B3GLCT: variants seen among roughly 807,000 people sequenced by gnomAD.
B3GLCT encodes beta-1,3-glucosyltransferase.
In B3GLCT, 65 loss-of-function variants were observed where a neutral mutation model predicts 63.4. The observed-to-expected ratio is 1.03, with a 90% confidence interval of 0.84 to 1.26. B3GLCT has a LOEUF of 1.26. Ranked by LOEUF, B3GLCT falls within the 50% of genes most tolerant of loss-of-function variation. B3GLCT has a pLI of 0.00. For missense variants in B3GLCT, 577 were observed against 604.8 expected, an observed-to-expected ratio of 0.95 and a Z score of 0.48; for synonymous variants, 233 against 219.2, an observed-to-expected ratio of 1.06 and a Z score of -0.55.
At chr13:31,220,336 T>C (rs985165442) in intron 2 of B3GLCT, among the ~76,000 whole-genome samples, 4 of 152,260 alleles carry the variant, frequency 2.6e-5, no homozygotes, top group African/African-American at 9.6e-5. Flanking sequence ...AGGGTGACTT[T>C]AATGTGCCTT....
chr13:31,224,591 C>A (rs1286749049), intron 3 of B3GLCT, among the ~76,000 whole-genome samples: 1 of 152,052 alleles, frequency 6.6e-6, no homozygotes, highest in Non-Finnish European at 1.5e-5. Flanking sequence ...GCATGGCTCA[C>A]AGTCAGAGCT....
chr13:31,280,655 C>T (rs1003429703), intron 10 of B3GLCT, among the ~76,000 whole-genome samples: 9 of 152,166 alleles, frequency 5.9e-5, no homozygotes, highest in African/African-American at 2.2e-4. Flanking sequence ...TTTATACTCT[C>T]ATGGAAGAAT....
intron 1 of B3GLCT, among the ~76,000 whole-genome samples, chr13:31,201,669 T>A (rs977366360): frequency 2.6e-5 from 4 of 152,228 alleles, no homozygotes; most frequent in Non-Finnish European, 5.9e-5. Context: ...TTTATAATGC[T>A]GTACTGGGGG....
chr13:31,289,969 A>C (rs1486993747), intron 12 of B3GLCT, among the ~76,000 whole-genome samples: 1 of 151,974 alleles, frequency 6.6e-6, no homozygotes, highest in Admixed American at 6.5e-5. Flanking sequence ...TGCACTCATC[A>C]ACCCATCATC....
intron 4 of B3GLCT, among the ~76,000 whole-genome samples, chr13:31,240,362 A>C (rs1870867193): frequency 6.6e-6 from 1 of 152,132 alleles, no homozygotes; most frequent in African/African-American, 2.4e-5. Flanking sequence ...CTTTATTTAA[A>C]ACCTGGCATA....
At chr13:31,269,394 CA>C (rs1872480319) in intron 8 of B3GLCT, 117 bp downstream of exon 8, 1 of 707,824 alleles carries the variant, frequency 1.4e-6, no homozygotes, top group African/African-American at 1.8e-5. Context: ...CTACTCCCCA[CA>C]GAGATAATTT....
At chr13:31,223,980 G>A (rs1313502802) in intron 3 of B3GLCT, among the ~76,000 whole-genome samples, 2 of 152,170 alleles carry the variant, frequency 1.3e-5, no homozygotes, top group Non-Finnish European at 2.9e-5. Context: ...CCTGGAAGGC[G>A]AGCTCTAGAT....
At chr13:31,218,691 T>G (rs756852454) in intron 2 of B3GLCT, among the ~76,000 whole-genome samples, 7 of 152,298 alleles carry the variant, frequency 4.6e-5, no homozygotes, top group Admixed American at 1.3e-4. Flanking sequence ...CTTTATTTCT[T>G]TATCTTCTCT....
intron 3 of B3GLCT, among the ~76,000 whole-genome samples, chr13:31,227,488 C>T (rs1297266024): frequency 1.3e-5 from 2 of 152,250 alleles, no homozygotes; most frequent in Admixed American, 6.5e-5. Context: ...TTAAGTCTTA[C>T]CCATGTGTCC....
At chr13:31,202,555 G>A (rs1204529864) in intron 1 of B3GLCT, among the ~76,000 whole-genome samples, 2 of 152,176 alleles carry the variant, frequency 1.3e-5, no homozygotes, top group African/African-American at 4.8e-5. Context: ...ATATAATCTG[G>A]GTTGGGGGGA....
rs1203250515 is a variant in B3GLCT, at chr13:31,276,702, A to G, written c.781A>G (p.Arg261Gly). ...ACATTTTTTCTTTTCTTTTTTTTAGAGAAAGCCAGTGAAGAAGAAGGATAT... is the reference window on the plus strand; with the variant it reads ...ACATTTTTTCTTTTCTTTTTTTTAGGGAAAGCCAGTGAAGAAGAAGGATAT... ...TTFHSFLPLC[R>G]KPVKKKDIFV... Residue 261 changes from arginine (R) to glycine (G), a missense_variant and splice_region_variant, in exon 10 of 15, where the codon AGA becomes GGA. Arg to Gly is a moderately radical substitution (Grantham distance 125, BLOSUM62 -2). Coordinates refer to ENST00000343307, the MANE Select transcript of B3GLCT (RefSeq NM_194318.4). 6 of 1,608,524 alleles carry G rather than the reference A, an allele frequency of 3.7e-6. No individual in the cohort carries two copies. The highest frequency in any genetic ancestry group is 5.1e-6 in the Non-Finnish European group (6 of 1,175,568).
At chr13:31,227,007 A>G (rs1035133527) in intron 3 of B3GLCT, among the ~76,000 whole-genome samples, 2 of 152,178 alleles carry the variant, frequency 1.3e-5, no homozygotes, top group African/African-American at 4.8e-5. Context: ...GTATATATAC[A>G]TTTTAATATA....
intron 12 of B3GLCT, among the ~76,000 whole-genome samples, chr13:31,298,084 G>A (rs1312762265): frequency 6.6e-6 from 1 of 152,198 alleles, no homozygotes; most frequent in Non-Finnish European, 1.5e-5. Flanking sequence ...CCAGGAGATT[G>A]GGGGGTGGGA....
At chr13:31,211,946 C>G (rs543818610) in intron 1 of B3GLCT, among the ~76,000 whole-genome samples, 2 of 151,972 alleles carry the variant, frequency 1.3e-5, no homozygotes, top group African/African-American at 4.8e-5. Context: ...TGTCTGGCCT[C>G]GCAAAAAAGT....
chr13:31,251,939 A>G (rs1342048668), intron 6 of B3GLCT, among the ~76,000 whole-genome samples: 3 of 152,114 alleles, frequency 2.0e-5, no homozygotes, highest in Non-Finnish European at 4.4e-5. Flanking sequence ...GTTGAAATGA[A>G]GGAAAAAAAT....
At chr13:31,223,961 C>T (rs1297081394) in intron 3 of B3GLCT, among the ~76,000 whole-genome samples, 1 of 152,170 alleles carries the variant, frequency 6.6e-6, no homozygotes, top group Non-Finnish European at 1.5e-5. Context: ...CCACTATTTT[C>T]CATGGAGACC....
chr13:31,212,966 T>C (rs1230349462), intron 1 of B3GLCT, among the ~76,000 whole-genome samples: 1 of 148,932 alleles, frequency 6.7e-6, no homozygotes, highest in Non-Finnish European at 1.5e-5. Context: ...TTTAAATGAC[T>C]TTGCAGTTTA....
At chr13:31,219,446 G>A (rs1419546656) in intron 2 of B3GLCT, among the ~76,000 whole-genome samples, 3 of 152,134 alleles carry the variant, frequency 2.0e-5, no homozygotes, top group East Asian at 1.9e-4. Context: ...TGGCAATAAT[G>A]AGGATCATTT....
chr13:31,236,227 T>C (rs1040031974), intron 4 of B3GLCT, among the ~76,000 whole-genome samples: 1 of 152,226 alleles, frequency 6.6e-6, no homozygotes, highest in African/African-American at 2.4e-5. Flanking sequence ...CATTGATTCA[T>C]TGTCCTTAGC....
Sources: allele counts gnomAD v4.1 joint callset (sites outside exome capture counted in the v4.1 genomes callset), GRCh38; gene constraint gnomAD v4.1.1; transcripts MANE v1.5; gene names NCBI Gene and HGNC (gene_info 2026-07-23, HGNC 2026-07-21).